Variants in APOB observed in about 807,000 individuals in gnomAD.
APOB encodes the protein apolipoprotein B-100.
In APOB, 153 loss-of-function variants were observed where a neutral mutation model predicts 314.1. The observed-to-expected ratio is 0.49, with a 90% CI of 0.43 to 0.56. The LOEUF is 0.56. Ranked by LOEUF, APOB falls within the 20% of genes least tolerant of loss-of-function variation. The pLI is 0.00. For missense variants in APOB, 5,430 were observed against 5,350.7 expected (o/e 1.01, Z -0.46); for synonymous variants, 2,087 against 2,036.4 (o/e 1.02, Z -0.67).
chr2:21,019,122 A>G lies in APOB; in HGVS notation c.3000-9T>C, dbSNP rs2103366659. 1.2e-6 allele frequency: 2 copies of G among 1,614,076 alleles called. No homozygotes were observed. The highest frequency in any genetic ancestry group is 1.7e-6 in the Non-Finnish European group (2 of 1,179,988). The stretch of plus-strand genomic sequence containing the variant: ...TCAGTTCCAGCTCTAATCTAAAGAC[A>G]TTACAATGAAGACAGTGCATAATGT... On this transcript the variant is annotated splice_polypyrimidine_tract_variant and intron_variant, in intron 19 of 28. Coordinates refer to ENST00000233242, the MANE Select transcript of APOB (RefSeq NM_000384.3).
chr2:21,011,250 G>A lies in APOB; in HGVS notation c.5618C>T (p.Ala1873Val), dbSNP rs1317479889. 1 of 1,614,114 alleles carries A rather than the reference G, an allele frequency of 6.2e-7. No individual in the cohort carries two copies. Among genetic ancestry groups the A allele is most frequent in the African/African-American group, 1.3e-5 (1 of 74,944 alleles). The part of the protein sequence containing the change: ...EFSHRLNTDI[A>V]GLASAIDMST... Reference sequence around the variant, plus strand: ...CATGTCAATGGCTGAAGCCAGCCCAGCGATGTCTGTGTTGAGCCGATGGCT... The same window carrying A: ...CATGTCAATGGCTGAAGCCAGCCCAACGATGTCTGTGTTGAGCCGATGGCT... Residue 1873 changes from alanine to valine, a missense_variant, in exon 26 of 29, where the codon GCT (alanine) becomes GTT (valine). Physicochemically the swap from Ala to Val is moderately conservative, Grantham distance 64 (BLOSUM62 0). This residue lies in a region of APOB where 3,281 missense variants were observed against 3,171.0 expected (regional missense o/e 1.03). Transcript: ENST00000233242.
At chr2:21,029,512 GA>G in intron 12 of APOB, 126 bp downstream of exon 12, 2 of 1,076,150 alleles carry the variant, frequency 1.9e-6, no homozygotes, top group Admixed American at 3.6e-5. Flanking sequence ...AGGAAGGAAG[GA>G]AGGAAGGAAA....
At position 21,012,497 on chromosome 2, in the gene APOB, T is replaced by C. The variant is rs201206305; in HGVS notation, c.4371A>G (p.Ala1457=). The change falls in exon 26 of 29, where the codon GCA becomes GCG. Residue 1457 remains alanine (A), a synonymous_variant. Coordinates refer to ENST00000233242, the MANE Select transcript of APOB (RefSeq NM_000384.3). The part of the protein sequence containing the change: ...PVSKGLLIFD[A]SSSWGPQMSA... The stretch of plus-strand genomic sequence containing the variant: ...ACATCTGTGGTCCCCAGGAACTAGA[T>C]GCATCGAATATTAGTAAACCTTTTG... 46 of 1,614,246 alleles carry C rather than the reference T, an allele frequency of 2.8e-5. 1 individual carries two copies. The East Asian group carries it at 5.1e-4, about 18-fold the overall frequency.
At position 21,001,575 on chromosome 2, in the gene APOB, A is replaced by G. The variant is rs1356869290; in HGVS notation, c.*155T>C. The G allele has an allele frequency of 1.2e-5, 8 of 679,960 alleles. No homozygotes were observed. The highest frequency in any genetic ancestry group is 1.9e-5 in the Non-Finnish European group (8 of 410,398). 42.1% of individuals were successfully genotyped at this position (679,960 alleles called of 1,614,324 possible). On this transcript the variant is annotated 3_prime_UTR_variant, in exon 29 of 29. Coordinates refer to ENST00000233242, the MANE Select transcript of APOB (RefSeq NM_000384.3). ...CGAGCCCTGGTGCCAGCTTTGGTGC[A>G]GGTCCAGTTCATATGTGCTTCTGCT...
intron 12 of APOB, among the ~76,000 whole-genome samples, chr2:21,028,780 T>G (rs960426893): frequency 1.5e-4 from 23 of 152,204 alleles, no homozygotes; most frequent in African/African-American, 5.5e-4. Context: ...ACACATAAAT[T>G]ATGGCCAAGT....
intron 4 of APOB, among the ~76,000 whole-genome samples, chr2:21,040,431 T>G (rs576463782): frequency 2.8e-4 from 42 of 152,296 alleles, no homozygotes; most frequent in Non-Finnish European, 2.6e-4. Context: ...TTACAATGGG[T>G]GCGACATGGG....
At position 21,043,915 on chromosome 2, in the gene APOB, GCGCC is replaced by G; in HGVS notation, c.27_30del (p.Ala10CysfsTer82). ...AGCAGCAGCGCAGGCAGCGCCAGCAGCGCCAGCAGCGCGGGCCTCGGCGGGTCCA... is the reference window on the plus strand; with the variant it reads ...AGCAGCAGCGCAGGCAGCGCCAGCAGAGCAGCGCGGGCCTCGGCGGGTCCA... On this transcript the variant is annotated frameshift_variant, in exon 1 of 29. Transcript: ENST00000233242. LOFTEE classifies it high-confidence loss of function. The G allele has an allele frequency of 7.1e-7, 1 of 1,411,632 alleles. No homozygotes were observed. Among genetic ancestry groups the G allele is most frequent in the South Asian group, 1.5e-5 (1 of 68,468 alleles). 87.4% of individuals were successfully genotyped at this position (1,411,632 alleles called of 1,614,324 possible). A position where few individuals can be genotyped will look rare whatever the true frequency, so the allele number is the denominator to read the frequency against.
intron 4 of APOB, among the ~76,000 whole-genome samples, chr2:21,040,183 C>T (rs1358602171): frequency 2.0e-5 from 3 of 152,216 alleles, no homozygotes; most frequent in Non-Finnish European, 2.9e-5. Context: ...TGCTGTCCCT[C>T]ACCTTCCGCC....
intron 18 of APOB, 21 bp from the exon 19 acceptor site, chr2:21,019,926 C>T: frequency 6.2e-7 from 1 of 1,613,130 alleles, no homozygotes; most frequent in Non-Finnish European, 8.5e-7. Context: ...ACAAAAATAC[C>T]TGAGTTATTG....
intron 9 of APOB, 44 bp from the exon 10 acceptor site, chr2:21,032,625 G>C (rs1351705887): frequency 6.7e-7 from 1 of 1,485,004 alleles, no homozygotes; most frequent in Non-Finnish European, 9.4e-7. Context: ...CCACCTTCAG[G>C]GCACATAAAA....
rs867683513 is a variant in APOB at position 21,011,794 on chromosome 2, C to G, written c.5074G>C (p.Glu1692Gln). ...TCCAGACTGAATTTTGCATTGTGTTCCCTGAAGCGGCCATTTGTTGTTAAT... is the reference window on the plus strand; with the variant it reads ...TCCAGACTGAATTTTGCATTGTGTTGCCTGAAGCGGCCATTTGTTGTTAAT... The part of the protein sequence containing the change: ...MKLTTNGRFR[E>Q]HNAKFSLDGK... Residue 1692 changes from glutamate to glutamine, a missense_variant, in exon 26 of 29, where the codon GAA (glutamate) becomes CAA (glutamine). Glu to Gln is a conservative substitution (Grantham distance 29). Transcript: ENST00000233242. The G allele has an allele frequency of 6.2e-7, 1 of 1,614,004 alleles. No homozygotes were observed. Among genetic ancestry groups the G allele is most frequent in the South Asian group, 1.1e-5 (1 of 91,072 alleles).
Position 21,027,896 on chromosome 2 carries a change from G to A in APOB, c.1999C>T (p.Leu667Phe), listed in dbSNP as rs1663774738. The change falls in exon 14 of 29, where the codon CTT (leucine) becomes TTT (phenylalanine). Residue 667 changes from leucine to phenylalanine, a missense_variant. This residue lies in a region of APOB where 2,085 missense variants were observed against 2,079.7 expected (regional missense o/e 1.00). Coordinates refer to ENST00000233242, the MANE Select transcript of APOB (RefSeq NM_000384.3). ...GTTTTCAGCATGCTTTCTTTAGGAA[G>A]GTAGTTATTTGGATCAAATATAAGA... is the stretch of plus-strand genomic sequence containing the variant. ...GNLIFDPNNYLPKESMLKTTL... is the reference protein window; with the variant it reads ...GNLIFDPNNYFPKESMLKTTL... The A allele has an allele frequency of 6.2e-7, 1 of 1,614,040 alleles. No homozygotes were observed. Among genetic ancestry groups the A allele is most frequent in the Non-Finnish European group, 8.5e-7 (1 of 1,180,028 alleles).
At chr2:21,035,558 A>C (rs1416832222) in intron 7 of APOB, 26 bp downstream of exon 7, 1 of 1,613,628 alleles carries the variant, frequency 6.2e-7, no homozygotes, top group South Asian at 1.1e-5. Flanking sequence ...TTAAATGACA[A>C]ATCAGGGGTG....
chr2:21,003,562 C>T (rs758815929), intron 28 of APOB, among the ~76,000 whole-genome samples: 2 of 152,100 alleles, frequency 1.3e-5, no homozygotes, highest in African/African-American at 4.8e-5. Flanking sequence ...AACAAAAACG[C>T]TTGCTGTTTG....
chr2:21,008,440 C>T lies in APOB; in HGVS notation c.8428G>A (p.Ala2810Thr), dbSNP rs761386986. Residue 2810 changes from alanine (A) to threonine (T), a missense_variant, in exon 26 of 29, where the codon GCA (alanine) becomes ACA (threonine). Ala to Thr is a moderately conservative substitution (Grantham distance 58). This residue lies in a region of APOB where 3,281 missense variants were observed against 3,171.0 expected (regional missense o/e 1.03). Transcript: ENST00000233242. ...KLEVLNFDFQ[A>T]NAQLSNPKIN... ...TTAGGGTTTGAGAGTTGTGCATTTG[C>T]TTGAAAATCAAAATTGAGAACTTCT... is the stretch of plus-strand genomic sequence containing the variant. 1.9e-6 allele frequency: 3 copies of T among 1,614,074 alleles called. No individual in the cohort carries two copies. The highest frequency in any genetic ancestry group is 4.5e-5 in the East Asian group (2 of 44,876).
intron 17 of APOB, 80 bp from the exon 18 acceptor site, chr2:21,023,122 C>T: frequency 1.6e-6 from 2 of 1,268,520 alleles, no homozygotes; most frequent in Admixed American, 1.7e-5. Context: ...CCTTTCTCAC[C>T]TCCGGGCAAA....
In APOB at chr2:21,015,499, G is replaced by A. The variant is rs539614975; in HGVS notation, c.3379C>T (p.Pro1127Ser). 2.5e-6 allele frequency: 4 copies of A among 1,614,000 alleles called. No individual in the cohort carries two copies. Among genetic ancestry groups the A allele is most frequent in the Middle Eastern group, 1.6e-4 (1 of 6,062 alleles). Residue 1127 changes from proline (P) to serine (S), a missense_variant, in exon 22 of 29, where the codon CCC becomes TCC. Transcript: ENST00000233242. ...ERKIKGVISI[P>S]RLQAEARSEI... ...CTTCTGGCTTCTGCTTGCAAACGGG[G>A]TATGGAAATAACACCCTTGATTTTT...
Position 21,033,353 on chromosome 2 carries a change from C to A in APOB, c.1070G>T (p.Gly357Val), listed in dbSNP as rs1169511118. ...AGATGTGACTGCTTCATCACTGAGG[C>A]CTCTCAGCTCAGTAACCAGCTTATT... ...LFNKLVTELRGLSDEAVTSLL... is the reference protein window; with the variant it reads ...LFNKLVTELRVLSDEAVTSLL... Residue 357 changes from glycine (G) to valine (V), a missense_variant, in exon 9 of 29, where the codon GGC (glycine) becomes GTC (valine). Physicochemically the swap from Gly to Val is moderately radical, Grantham distance 109. This residue lies in a region of APOB where 2,085 missense variants were observed against 2,079.7 expected (regional missense o/e 1.00). Transcript: ENST00000233242. The A allele has an allele frequency of 1.2e-6, 2 of 1,614,144 alleles. No homozygotes were observed. The highest frequency in any genetic ancestry group is 2.2e-5 in the East Asian group (1 of 44,880).
intron 12 of APOB, 38 bp from the exon 13 acceptor site, chr2:21,028,576 G>T (rs1237817567): frequency 4.2e-6 from 6 of 1,436,006 alleles, no homozygotes; most frequent in East Asian, 2.3e-5. Context: ...ACTGTCCTGT[G>T]GTCAGAACAC....
Sources: allele counts gnomAD v4.1 joint callset (sites outside exome capture counted in the v4.1 genomes callset), GRCh38; gene constraint gnomAD v4.1.1; regional missense constraint gnomAD v4.1.1; transcripts MANE v1.5; gene names NCBI Gene and HGNC (gene_info 2026-07-23, HGNC 2026-07-21).